The following JAK1 variants were observed in gnomAD, a reference collection of about 807,000 sequenced individuals.
JAK1 encodes Janus kinase 1.
A neutral mutation model predicts 136.6 loss-of-function variants in JAK1; 16 were observed. That is an observed-to-expected ratio of 0.12 (90% CI 0.08 to 0.18). JAK1 has a LOEUF of 0.18. Among genes scored for constraint, JAK1 ranks in the 10% least tolerant of loss-of-function variants. The pLI, the probability that JAK1 is intolerant of heterozygous loss-of-function variation, is 1.00. For missense variants in JAK1, 859 were observed against 1,450.1 expected (o/e 0.59, Z 6.62); for synonymous variants, 492 against 519.5 (o/e 0.95, Z 0.72).
At chr1:64,947,109 A>G (rs1173551777) in intron 1 of JAK1, among the ~76,000 whole-genome samples, 2 of 152,230 alleles carry the variant, frequency 1.3e-5, no homozygotes, top group Non-Finnish European at 2.9e-5. Context: ...TCAGTTTTGC[A>G]AGATGAAAAG....
chr1:64,846,001 T>C (rs11208530), intron 14 of JAK1, among the ~76,000 whole-genome samples: 8,087 of 152,328 alleles, frequency 0.053, 340 homozygotes, highest in Admixed American at 0.14. Context: ...CACACTGTGA[T>C]GCAGAGGTCA....
At chr1:64,867,608 C>T (rs899336483) in intron 6 of JAK1, among the ~76,000 whole-genome samples, 6 of 152,208 alleles carry the variant, frequency 3.9e-5, no homozygotes, top group African/African-American at 1.4e-4. Flanking sequence ...GAGCAATTGT[C>T]ATTTTGTGTG....
At chr1:65,041,635 T>G (rs545757308) in intron 2 of JAK1, among the ~76,000 whole-genome samples, 5 of 152,328 alleles carry the variant, frequency 3.3e-5, no homozygotes, top group Admixed American at 2.6e-4. Context: ...GGCGCTAGTT[T>G]CCAGCTCTGT....
chr1:64,918,860 A>T (rs1051889819), intron 1 of JAK1, among the ~76,000 whole-genome samples: 1 of 152,226 alleles, frequency 6.6e-6, no homozygotes, highest in African/African-American at 2.4e-5. Flanking sequence ...CAATTACCTT[A>T]TCCTCTCCAG....
At chr1:64,839,086 C>T (rs916925932) in intron 20 of JAK1, among the ~76,000 whole-genome samples, 1 of 134,432 alleles carries the variant, frequency 7.4e-6, no homozygotes, top group African/African-American at 2.9e-5. Flanking sequence ...GCGGAGCTTG[C>T]AGTGAGCCGA....
At chr1:64,928,377 G>C (rs777141530) in intron 1 of JAK1, among the ~76,000 whole-genome samples, 6 of 152,128 alleles carry the variant, frequency 3.9e-5, no homozygotes, top group Non-Finnish European at 5.9e-5. Context: ...GCGAGAAAAA[G>C]TAGGCTCAGG....
chr1:64,975,125 A>G (rs957101730), intron 2 of JAK1, among the ~76,000 whole-genome samples: 1 of 151,132 alleles, frequency 6.6e-6, no homozygotes, highest in Non-Finnish European at 1.5e-5. Context: ...ATCTCACTAC[A>G]TTGCCCGGGC....
At chr1:64,965,697 C>T (rs1051754026) in intron 1 of JAK1, among the ~76,000 whole-genome samples, 1 of 152,128 alleles carries the variant, frequency 6.6e-6, no homozygotes, top group Non-Finnish European at 1.5e-5. Context: ...CTGGTCCTCT[C>T]GCCCAGGGTC....
At chr1:64,994,509 G>A (rs1384979274) in intron 2 of JAK1, among the ~76,000 whole-genome samples, 2 of 152,164 alleles carry the variant, frequency 1.3e-5, no homozygotes, top group Non-Finnish European at 2.9e-5. Context: ...TACCATGACA[G>A]AAAGTGGAAG....
rs879228666 is a variant in JAK1 at position 64,834,164 on chromosome 1, T to A, written c.*398A>T. On this transcript the variant is annotated 3_prime_UTR_variant, in exon 25 of 25. Coordinates refer to ENST00000342505, the MANE Select transcript of JAK1 (RefSeq NM_002227.4). ...TAATGTGCCAGCAAAACATTTCAGA[T>A]CAGCTGGCAGCAGGGAAAAGCAATC... 4.0e-6 allele frequency: 1 copy of A among 249,836 alleles called. No homozygotes were observed. The highest frequency in any genetic ancestry group is 4.9e-5 in the Admixed American group (1 of 20,484). 15.5% of individuals were successfully genotyped at this position (249,836 alleles called of 1,614,324 possible). A position where few individuals can be genotyped will look rare whatever the true frequency, so the allele number is the denominator to read the frequency against.
chr1:64,878,561 GTATATATATATATATATATA>G lies in JAK1; in HGVS notation c.329+444_329+463del, dbSNP rs56881589. Among the ~76,000 whole-genome samples the G allele has an allele frequency of 4.3e-4, 52 of 119,982 alleles. No homozygotes were observed. In the South Asian group the frequency reaches 9.0e-3, roughly 21 times the overall value. 78.7% of individuals were successfully genotyped at this position (119,982 alleles called of 152,430 possible). ...ATCATGACCTTTATATATATAGTGT[GTATATATATATATATATATA>G]TATATATATATATATATATATATAT... On this transcript the variant is annotated intron_variant, in intron 4 of 24. Coordinates refer to ENST00000342505, the MANE Select transcript of JAK1 (RefSeq NM_002227.4).
intron 2 of JAK1, among the ~76,000 whole-genome samples, chr1:65,006,107 T>C (rs1211617758): frequency 3.3e-5 from 5 of 152,272 alleles, no homozygotes; most frequent in Non-Finnish European, 5.9e-5. Context: ...TTCACATAAG[T>C]GTGAAGAAAT....
intron 5 of JAK1, among the ~76,000 whole-genome samples, chr1:64,870,743 T>G (rs1409338035): frequency 6.6e-6 from 1 of 152,108 alleles, no homozygotes; most frequent in Non-Finnish European, 1.5e-5. Flanking sequence ...AGATTAATGG[T>G]TTTTGGATGG....
chr1:64,924,082 T>C (rs899318160), intron 1 of JAK1, among the ~76,000 whole-genome samples: 3 of 152,196 alleles, frequency 2.0e-5, no homozygotes, highest in Non-Finnish European at 2.9e-5. Flanking sequence ...GCAATAACTA[T>C]AAATGCAGTC....
intron 1 of JAK1, among the ~76,000 whole-genome samples, chr1:64,932,137 A>G (rs1645705708): frequency 6.7e-6 from 1 of 149,084 alleles, no homozygotes. Flanking sequence ...AATCTGGGCC[A>G]GGTGTGGTTG....
chr1:64,845,220 CAA>C (rs1655150020), intron 15 of JAK1, among the ~76,000 whole-genome samples: 1 of 152,218 alleles, frequency 6.6e-6, no homozygotes, highest in Non-Finnish European at 1.5e-5. Flanking sequence ...CTCATTCACT[CAA>C]CACGTACTGC....
chr1:64,937,710 A>G (rs1414803647), intron 1 of JAK1, among the ~76,000 whole-genome samples: 1 of 152,166 alleles, frequency 6.6e-6, no homozygotes, highest in Admixed American at 6.5e-5. Flanking sequence ...TCATTATTTC[A>G]GTTTTTCAGA....
At chr1:64,894,992 G>A (rs928828388) in intron 1 of JAK1, among the ~76,000 whole-genome samples, 5 of 152,048 alleles carry the variant, frequency 3.3e-5, no homozygotes, top group African/African-American at 1.2e-4. Context: ...TCACCAAGGC[G>A]GCAGCAGCAT....
intron 1 of JAK1, among the ~76,000 whole-genome samples, chr1:65,059,722 G>GT (rs1647708322): frequency 6.6e-6 from 1 of 152,078 alleles, no homozygotes; most frequent in African/African-American, 2.4e-5. Context: ...ATTCACTTGG[G>GT]TTTTTTCCAT....
Sources: gnomAD v4.1 joint callset for allele counts (sites outside exome capture counted in the v4.1 genomes callset) on GRCh38, gnomAD v4.1.1 for gene constraint, MANE v1.5 for transcripts, NCBI Gene and HGNC (gene_info 2026-07-23, HGNC 2026-07-21) for gene names.